ITSN1: variants seen among roughly 807,000 people sequenced by gnomAD.
ITSN1 encodes intersectin-1.
ITSN1 carries 58 observed loss-of-function variants against 239.8 expected under a neutral mutation model. The ratio of observed to expected loss-of-function variants is 0.24; its 90% confidence interval spans 0.20 to 0.30. The LOEUF is 0.30. Ranked by LOEUF, ITSN1 falls within the 10% of genes least tolerant of loss-of-function variation. The pLI is 1.00. For missense variants in ITSN1, 1,558 were observed against 2,103.3 expected (o/e 0.74, Z 5.07); for synonymous variants, 780 against 770.8 (o/e 1.01, Z -0.20).
intron 9 of ITSN1, among the ~76,000 whole-genome samples, chr21:33,763,229 CAAAAAAAAAAA>C (rs71322243): frequency 3.6e-4 from 25 of 69,860 alleles, no homozygotes; most frequent in African/African-American, 7.6e-4. Context: ...GCCCCCCAAC[CAAAAAAAAAAA>C]AAAAAAAAAA....
chr21:33,674,222 C>G (rs940166078), intron 1 of ITSN1, among the ~76,000 whole-genome samples: 1 of 152,026 alleles, frequency 6.6e-6, no homozygotes, highest in Non-Finnish European at 1.5e-5. Context: ...TTCTTTTTTT[C>G]TTTCAAAAGT....
Position 33,837,208 on chromosome 21 carries a change from G to C in ITSN1, c.3661+576G>C. 3.2e-6 allele frequency: 4 copies of C among 1,268,644 alleles called. No individual in the cohort carries two copies. In the South Asian group the frequency reaches 1.4e-4, roughly 43 times the overall value. The allele number at this position is 1,268,644 out of a possible 1,614,324, so 78.6% of individuals were successfully genotyped here. A position where few individuals can be genotyped will look rare whatever the true frequency, so the allele number is the denominator to read the frequency against. On this transcript the variant is annotated intron_variant, in intron 29 of 39. Transcript: ENST00000381318. ...CAATGTTTGAGTTATTACTTGCAGA[G>C]ATAGGAGCAAAAATTACAAAAACAC... is the stretch of plus-strand genomic sequence containing the variant.
chr21:33,686,820 C>G (rs1045693258), intron 1 of ITSN1, among the ~76,000 whole-genome samples: 3 of 152,150 alleles, frequency 2.0e-5, no homozygotes, highest in African/African-American at 7.2e-5. Context: ...AATGTGTGAA[C>G]AGATCTGAGA....
At chr21:33,760,730 G>A (rs2068255332) in intron 8 of ITSN1, among the ~76,000 whole-genome samples, 1 of 152,174 alleles carries the variant, frequency 6.6e-6, no homozygotes, top group African/African-American at 2.4e-5. Context: ...TTTTGATGAG[G>A]TGACGTTTGA....
intron 5 of ITSN1, among the ~76,000 whole-genome samples, chr21:33,740,479 G>C (rs1182610256): frequency 2.0e-5 from 3 of 152,230 alleles, no homozygotes; most frequent in Non-Finnish European, 4.4e-5. Flanking sequence ...ATGCTCCATT[G>C]TTTGAGCTGC....
intron 1 of ITSN1, among the ~76,000 whole-genome samples, chr21:33,668,157 A>G (rs2090042419): frequency 6.6e-6 from 1 of 152,192 alleles, no homozygotes; most frequent in Non-Finnish European, 1.5e-5. Flanking sequence ...TCTTTACTTG[A>G]GTCTAGCACT....
intron 29 of ITSN1, among the ~76,000 whole-genome samples, chr21:33,854,984 G>A (rs1979041147): frequency 6.6e-6 from 1 of 152,174 alleles, no homozygotes; most frequent in African/African-American, 2.4e-5. Flanking sequence ...TTGGCCCAGA[G>A]AACGGACAAA....
At chr21:33,796,032 C>T (rs1027968660) in intron 17 of ITSN1, among the ~76,000 whole-genome samples, 6 of 150,392 alleles carry the variant, frequency 4.0e-5, no homozygotes, top group Non-Finnish European at 7.4e-5. Flanking sequence ...GGCACGATCT[C>T]GGCTCACTGC....
intron 31 of ITSN1, among the ~76,000 whole-genome samples, chr21:33,860,635 C>T (rs1290724233): frequency 3.3e-5 from 5 of 152,336 alleles, no homozygotes; most frequent in South Asian, 2.1e-4. Context: ...GAACTGACAG[C>T]CCTGTTACGG....
Position 33,774,567 on chromosome 21 carries a change from A to G in ITSN1, c.1306-162A>G, listed in dbSNP as rs202245665. On this transcript the variant is annotated intron_variant, in intron 12 of 39. Coordinates refer to ENST00000381318, the MANE Select transcript of ITSN1 (RefSeq NM_003024.3). ...TATTCCCTTTATTCCCATAGAAGGA[A>G]TACTGTATTTTTATGTAATTTTTTG... The G allele has an allele frequency of 3.4e-5, 21 of 612,574 alleles. No homozygotes were observed. The East Asian group carries it at 5.9e-4, about 17-fold the overall frequency. The allele number at this position is 612,574 out of a possible 1,614,324, so 37.9% of individuals were successfully genotyped here.
At chr21:33,784,156 A>G (rs1236111352) in intron 16 of ITSN1, among the ~76,000 whole-genome samples, 1 of 151,984 alleles carries the variant, frequency 6.6e-6, no homozygotes, top group Non-Finnish European at 1.5e-5. Context: ...TATTAACTTT[A>G]ATTAATATGA....
At chr21:33,656,476 G>A (rs2089086905) in intron 1 of ITSN1, among the ~76,000 whole-genome samples, 1 of 152,190 alleles carries the variant, frequency 6.6e-6, no homozygotes, top group Non-Finnish European at 1.5e-5. Context: ...ACAGTGTACA[G>A]TGTTGTGTGC....
At chr21:33,748,021 C>T (rs1468378954) in intron 5 of ITSN1, among the ~76,000 whole-genome samples, 3 of 151,962 alleles carry the variant, frequency 2.0e-5, no homozygotes, top group Non-Finnish European at 4.4e-5. Context: ...TATTATTGGG[C>T]TTATAACATA....
chr21:33,713,073 T>C (rs1204195411), intron 1 of ITSN1, among the ~76,000 whole-genome samples: 3 of 151,664 alleles, frequency 2.0e-5, no homozygotes, highest in African/African-American at 7.3e-5. Context: ...AGACAGGGTT[T>C]TATCATGTTG....
In ITSN1 at chr21:33,746,944, A is replaced by G. The variant is rs117479453; in HGVS notation, c.347-3199A>G. On this transcript the variant is annotated intron_variant, in intron 5 of 39. Transcript: ENST00000381318. ...TGAGGTGGGCGGATCACCCGAGGTT[A>G]GAAGTTGGAGACCAGTCTGGCCAAC... is the stretch of plus-strand genomic sequence containing the variant. 1.1e-3 allele frequency among the ~76,000 whole-genome samples: 167 copies of G among 152,212 alleles called. No individual in the cohort carries two copies. In the East Asian group the frequency reaches 0.026, roughly 24 times the overall value.
Position 33,865,350 on chromosome 21 carries a change from G to C in ITSN1, c.4074+16G>C. 6.6e-7 allele frequency: 1 copy of C among 1,517,430 alleles called. No individual in the cohort carries two copies. The highest frequency in any genetic ancestry group is 8.9e-7 in the Non-Finnish European group (1 of 1,128,052). The allele number at this position is 1,517,430 out of a possible 1,614,324, so 94.0% of individuals were successfully genotyped here. A position where few individuals can be genotyped will look rare whatever the true frequency, so the allele number is the denominator to read the frequency against. On this transcript the variant is annotated intron_variant, in intron 32 of 39. Coordinates refer to ENST00000381318, the MANE Select transcript of ITSN1 (RefSeq NM_003024.3). The surrounding 1 kb of genome is among the most constrained non-coding windows in gnomAD (Gnocchi z 4.4). Reference sequence around the variant, plus strand: ...GTTCGTCAAAGTAAGGAGCCAGGCTGTGCAGAGACTGGGCCCCAGAGTGGC... The same window carrying C: ...GTTCGTCAAAGTAAGGAGCCAGGCTCTGCAGAGACTGGGCCCCAGAGTGGC...
At chr21:33,813,768 T>G (rs2073078053) in intron 21 of ITSN1, 145 bp from the exon 22 acceptor site, 1 of 591,506 alleles carries the variant, frequency 1.7e-6, no homozygotes, top group African/African-American at 1.9e-5. Context: ...ATTTATTTAT[T>G]TATTTTTTTG....
rs546130984 is a variant in ITSN1, at chr21:33,890,253, G to T, written c.*1953G>T. The T allele has an allele frequency of 1.3e-5, 2 of 152,326 alleles. No individual in the cohort carries two copies. Among genetic ancestry groups the T allele is most frequent in the East Asian group, 3.9e-4 (2 of 5,194 alleles). 9.4% of individuals were successfully genotyped at this position (152,326 alleles called of 1,614,324 possible). A position where few individuals can be genotyped will look rare whatever the true frequency, so the allele number is the denominator to read the frequency against. Reference sequence around the variant, plus strand: ...GAAAGATATGCTACCATGGTAGAAAGAAAAGTATTCAATGTGTAAATGGGG... The same window carrying T: ...GAAAGATATGCTACCATGGTAGAAATAAAAGTATTCAATGTGTAAATGGGG... On this transcript the variant is annotated 3_prime_UTR_variant, in exon 40 of 40. Transcript: ENST00000381318.
intron 33 of ITSN1, among the ~76,000 whole-genome samples, chr21:33,869,398 A>G (rs1245284937): frequency 1.3e-5 from 2 of 152,250 alleles, no homozygotes; most frequent in African/African-American, 2.4e-5. Flanking sequence ...TCACTAGAAC[A>G]GGATGGGGGA....
Sources: allele counts gnomAD v4.1 joint callset (sites outside exome capture counted in the v4.1 genomes callset), GRCh38; gene constraint gnomAD v4.1.1; non-coding constraint Gnocchi (gnomAD v3.1); transcripts MANE v1.5; gene names NCBI Gene and HGNC (gene_info 2026-07-23, HGNC 2026-07-21).